Variants in DHRSX observed in about 807,000 individuals in gnomAD.
The protein encoded by DHRSX is polyprenol dehydrogenase.
In DHRSX, 31 loss-of-function variants were observed where a neutral mutation model predicts 34.0. The ratio of observed to expected loss-of-function variants is 0.91; its 90% CI spans 0.69 to 1.23. The LOEUF (loss-of-function observed/expected upper bound fraction) is 1.23. Ranked by LOEUF, DHRSX falls within the 50% of genes most tolerant of loss-of-function variation. The pLI is 0.00. For synonymous variants in DHRSX, 201 were observed against 183.8 expected, an observed-to-expected ratio of 1.09 and a Z score of -0.76; for missense variants, 414 against 428.1, an observed-to-expected ratio of 0.97 and a Z score of 0.29.
intron 3 of DHRSX, among the ~76,000 whole-genome samples, chrX:2,365,609 G>A (rs1248142336): frequency 6.6e-6 from 1 of 152,080 alleles, no homozygotes; most frequent in Non-Finnish European, 1.5e-5. Flanking sequence ...TCTGAAGATG[G>A]AAGTGAGATT....
intron 5 of DHRSX, among the ~76,000 whole-genome samples, chrX:2,247,098 A>G (rs1602791972): frequency 6.6e-6 from 1 of 151,996 alleles, no homozygotes; most frequent in Non-Finnish European, 1.5e-5. Flanking sequence ...ACAGGCATAC[A>G]CCACCATGCC....
intron 3 of DHRSX, among the ~76,000 whole-genome samples, chrX:2,363,564 T>C (rs2042962101): frequency 6.7e-6 from 1 of 149,248 alleles, no homozygotes; most frequent in Non-Finnish European, 1.5e-5. Flanking sequence ...ATCACTGTTC[T>C]ATGGTATCAT....
intron 3 of DHRSX, among the ~76,000 whole-genome samples, chrX:2,322,681 T>TG (rs2042326759): frequency 2.0e-5 from 3 of 149,906 alleles, no homozygotes; most frequent in East Asian, 4.0e-4. Context: ...CACGCCCGGC[T>TG]AAAAAAAAAC....
chrX:2,253,391 CACG>C (rs2016484689), intron 5 of DHRSX, among the ~76,000 whole-genome samples: 1 of 116,520 alleles, frequency 8.6e-6, no homozygotes, highest in Admixed American at 9.8e-5. Flanking sequence ...AAGATGGCGC[CACG>C]GCACTCCAGC....
intron 3 of DHRSX, among the ~76,000 whole-genome samples, chrX:2,380,013 T>C (rs973729994): frequency 1.3e-5 from 2 of 151,990 alleles, no homozygotes; most frequent in Admixed American, 6.6e-5. Flanking sequence ...AAAGATTGCA[T>C]TGGCCGGGCC....
chrX:2,448,379 GAAAT>G (rs1334661261), intron 1 of DHRSX, among the ~76,000 whole-genome samples: 18 of 152,022 alleles, frequency 1.2e-4, no homozygotes, highest in South Asian at 2.1e-4. Flanking sequence ...TTACATAAAA[GAAAT>G]AAATTCAAAG....
intron 3 of DHRSX, among the ~76,000 whole-genome samples, chrX:2,340,252 G>A (rs1371852844): frequency 6.6e-6 from 1 of 151,956 alleles, no homozygotes; most frequent in Admixed American, 6.6e-5. Context: ...GACGGGTTGA[G>A]GGGTGCAGCA....
intron 3 of DHRSX, among the ~76,000 whole-genome samples, chrX:2,325,872 T>C (rs1413085001): frequency 6.6e-6 from 1 of 152,198 alleles, no homozygotes; most frequent in African/African-American, 2.4e-5. Flanking sequence ...CTGATTAAAC[T>C]TCCACTCCTA....
chrX:2,478,757 G>A (rs904694083), intron 1 of DHRSX, among the ~76,000 whole-genome samples: 41 of 151,752 alleles, frequency 2.7e-4, no homozygotes, highest in African/African-American at 9.0e-4. Flanking sequence ...GTGCGGCCAA[G>A]GGACCACCAT....
chrX:2,323,732 G>A (rs1178984072), intron 3 of DHRSX, among the ~76,000 whole-genome samples: 2 of 152,120 alleles, frequency 1.3e-5, no homozygotes, highest in Admixed American at 6.6e-5. Flanking sequence ...TCACACCACT[G>A]CACTCCAGCC....
chrX:2,315,695 C>A (rs758884391), intron 3 of DHRSX, among the ~76,000 whole-genome samples: 24 of 152,166 alleles, frequency 1.6e-4, no homozygotes, highest in African/African-American at 5.1e-4. Flanking sequence ...TTCTGTAAGT[C>A]AGAAGATTGG....
chrX:2,439,343 C>CAT (rs1316387262), intron 1 of DHRSX, among the ~76,000 whole-genome samples: 1 of 151,964 alleles, frequency 6.6e-6, no homozygotes, highest in Admixed American at 6.6e-5. Flanking sequence ...AATGTATATA[C>CAT]ATATATATAC....
intron 1 of DHRSX, among the ~76,000 whole-genome samples, chrX:2,447,191 C>T (rs2044149724): frequency 6.6e-6 from 1 of 152,066 alleles, no homozygotes; most frequent in African/African-American, 2.4e-5. Context: ...CCGCCCTGTA[C>T]ACAAACCGTG....
intron 3 of DHRSX, among the ~76,000 whole-genome samples, chrX:2,399,972 G>C: frequency 6.6e-6 from 1 of 151,904 alleles, no homozygotes; most frequent in Non-Finnish European, 1.5e-5. Flanking sequence ...GGAGTTTGAG[G>C]CTGCAGTGAG....
chrX:2,459,288 C>CA (rs1039503999), intron 1 of DHRSX, among the ~76,000 whole-genome samples: 1 of 151,298 alleles, frequency 6.6e-6, no homozygotes, highest in East Asian at 1.9e-4. Context: ...TTCTCATCAC[C>CA]AAAAAAACGA....
intron 1 of DHRSX, among the ~76,000 whole-genome samples, chrX:2,491,264 T>C (rs2045136262): frequency 6.6e-6 from 1 of 152,082 alleles, no homozygotes; most frequent in Non-Finnish European, 1.5e-5. Context: ...GAGACAGGGT[T>C]TCACCATGTT....
chrX:2,475,629 A>G (rs1398623231), intron 1 of DHRSX, among the ~76,000 whole-genome samples: 1 of 151,618 alleles, frequency 6.6e-6, no homozygotes, highest in Non-Finnish European at 1.5e-5. Flanking sequence ...GACGTTCCCT[A>G]AGCATACAGC....
chrX:2,443,141 T>C (rs2044083504), intron 1 of DHRSX, among the ~76,000 whole-genome samples: 1 of 152,068 alleles, frequency 6.6e-6, no homozygotes, highest in African/African-American at 2.4e-5. Context: ...CCAGTGATCC[T>C]CCCACCTCAG....
intron 1 of DHRSX, among the ~76,000 whole-genome samples, chrX:2,483,987 G>A (rs1310437049): frequency 6.6e-6 from 1 of 152,172 alleles, no homozygotes; most frequent in Admixed American, 6.5e-5. Flanking sequence ...CGAAGTGGGA[G>A]TGGAATACAC....
Sources: allele counts gnomAD v4.1 joint callset (sites outside exome capture counted in the v4.1 genomes callset), GRCh38; gene constraint gnomAD v4.1.1; transcripts MANE v1.5; gene names NCBI Gene and HGNC (gene_info 2026-07-23, HGNC 2026-07-21).